Variants in CSMD3 observed in about 807,000 individuals in gnomAD.
CSMD3 encodes CUB and Sushi multiple domains 3, also known as CUB and sushi domain-containing protein 3.
CSMD3 carries 177 observed loss-of-function variants against 435.2 expected under a neutral mutation model. That is an observed-to-expected ratio of 0.41 (90% confidence interval 0.36 to 0.46). The LOEUF (loss-of-function observed/expected upper bound fraction) is 0.46. Among genes scored for constraint, CSMD3 ranks in the 20% least tolerant of loss-of-function variants. CSMD3 has a pLI of 0.34. For missense variants in CSMD3, 4,265 were observed against 4,504.6 expected, an observed-to-expected ratio of 0.95 and a Z score of 1.52; for synonymous variants, 1,656 against 1,520.5, an observed-to-expected ratio of 1.09 and a Z score of -2.07.
rs1025063330 is a variant in CSMD3, at chr8:112,772,993, C to T, written c.1972+27169G>A. Among the ~76,000 whole-genome samples the T allele has an allele frequency of 1.7e-4, 26 of 151,876 alleles. 1 individual carries two copies. Among genetic ancestry groups the T allele is most frequent in the Admixed American group, 1.1e-3 (17 of 15,220 alleles). ...ATAAATACTAAGGGAACTCAGAGGCCGGTCCCAGCACAGGTCCTCCACATG... is the reference window on the plus strand; with the variant it reads ...ATAAATACTAAGGGAACTCAGAGGCTGGTCCCAGCACAGGTCCTCCACATG... On this transcript the variant is annotated intron_variant, in intron 13 of 70. Coordinates refer to ENST00000297405, the MANE Select transcript of CSMD3 (RefSeq NM_198123.2).
chr8:112,445,629 C>T (rs950953228), intron 32 of CSMD3, among the ~76,000 whole-genome samples: 1 of 152,148 alleles, frequency 6.6e-6, no homozygotes, highest in Non-Finnish European at 1.5e-5. Flanking sequence ...ACCTAATCAC[C>T]TCCCACCAGG....
intron 11 of CSMD3, among the ~76,000 whole-genome samples, chr8:112,844,773 T>A (rs2132547198): frequency 6.6e-6 from 1 of 152,106 alleles, no homozygotes; most frequent in Non-Finnish European, 1.5e-5. Context: ...TAATCATAAT[T>A]GAAAAGCCTG....
chr8:113,410,421 C>A (rs1030647637), intron 1 of CSMD3, among the ~76,000 whole-genome samples: 1 of 152,046 alleles, frequency 6.6e-6, no homozygotes, highest in Admixed American at 6.6e-5. Context: ...TTTTCTAAGT[C>A]CTATTTTTCC....
chr8:112,373,151 A>T (rs1828601724), intron 38 of CSMD3, among the ~76,000 whole-genome samples: 1 of 151,512 alleles, frequency 6.6e-6, no homozygotes, highest in Admixed American at 6.6e-5. Flanking sequence ...TATTTAAAAT[A>T]CTCCTTTAGG....
intron 3 of CSMD3, among the ~76,000 whole-genome samples, chr8:113,238,300 G>A (rs2093173075): frequency 6.6e-6 from 1 of 152,164 alleles, no homozygotes; most frequent in South Asian, 2.1e-4. Flanking sequence ...GAAAGGTGCA[G>A]TGGGGCCAGC....
At chr8:112,376,451 C>T (rs180985816) in intron 38 of CSMD3, among the ~76,000 whole-genome samples, 1 of 152,178 alleles carries the variant, frequency 6.6e-6, no homozygotes. Context: ...AGAACCAAAA[C>T]AAGTAAAAAA....
rs117433943 is a variant in CSMD3, at chr8:113,149,929, G to A, written c.709+23793C>T. On this transcript the variant is annotated intron_variant, in intron 4 of 70. Coordinates refer to ENST00000297405, the MANE Select transcript of CSMD3 (RefSeq NM_198123.2). ...AACACTGCTACTTTCCTAACAAATA[G>A]GTCAATCTGCATTAAATACTCTGAA... is the stretch of plus-strand genomic sequence containing the variant. Among the ~76,000 whole-genome samples the A allele has an allele frequency of 2.6e-5, 4 of 151,592 alleles. No individual in the cohort carries two copies. The East Asian group carries it at 7.8e-4, about 30-fold the overall frequency.
intron 42 of CSMD3, among the ~76,000 whole-genome samples, chr8:112,339,764 A>T (rs1824924079): frequency 6.6e-6 from 1 of 152,180 alleles, no homozygotes; most frequent in Non-Finnish European, 1.5e-5. Context: ...CCACAAAATC[A>T]ATCCAAAAAT....
At chr8:112,861,851 C>A (rs777110592) in intron 10 of CSMD3, among the ~76,000 whole-genome samples, 8 of 151,870 alleles carry the variant, frequency 5.3e-5, no homozygotes, top group Non-Finnish European at 8.8e-5. Context: ...CTTCGTAATT[C>A]TCTGGCATCC....
intron 47 of CSMD3, among the ~76,000 whole-genome samples, chr8:112,317,254 T>A (rs866986440): frequency 3.9e-5 from 6 of 152,016 alleles, no homozygotes; most frequent in African/African-American, 7.2e-5. Context: ...ACATTGAAAG[T>A]CTGAGAGACA....
intron 10 of CSMD3, among the ~76,000 whole-genome samples, chr8:112,896,724 T>C (rs773009198): frequency 1.3e-4 from 19 of 151,514 alleles, no homozygotes; most frequent in Non-Finnish European, 2.4e-4. Flanking sequence ...TTATATTTAT[T>C]CCATTACACT....
chr8:112,472,530 T>C, intron 32 of CSMD3, 61 bp downstream of exon 32: 2 of 881,994 alleles, frequency 2.3e-6, no homozygotes, highest in Non-Finnish European at 3.9e-6. Context: ...TTGAATAGCA[T>C]GTAGTGAAAA....
chr8:112,279,024 A>G (rs1252798257), intron 59 of CSMD3, among the ~76,000 whole-genome samples: 3 of 135,312 alleles, frequency 2.2e-5, no homozygotes, highest in African/African-American at 3.8e-5. Context: ...AACAACAACA[A>G]CAACAACAAC....
intron 12 of CSMD3, among the ~76,000 whole-genome samples, chr8:112,815,705 A>G (rs1428216196): frequency 1.3e-5 from 2 of 152,200 alleles, no homozygotes; most frequent in Non-Finnish European, 2.9e-5. Flanking sequence ...ACAAATACAT[A>G]TATAAAACAA....
intron 13 of CSMD3, among the ~76,000 whole-genome samples, chr8:112,735,290 A>C (rs915723739): frequency 1.3e-5 from 2 of 152,048 alleles, no homozygotes; most frequent in African/African-American, 4.8e-5. Flanking sequence ...AGTAGAGCAC[A>C]ATGTGAGCAG....
chr8:113,154,431 G>A (rs2091893390), intron 4 of CSMD3, among the ~76,000 whole-genome samples: 1 of 151,902 alleles, frequency 6.6e-6, no homozygotes, highest in Non-Finnish European at 1.5e-5. Context: ...TAAAATGTGT[G>A]ACCTTTGAAA....
At chr8:112,934,070 A>G (rs2083202751) in intron 9 of CSMD3, among the ~76,000 whole-genome samples, 1 of 152,110 alleles carries the variant, frequency 6.6e-6, no homozygotes, top group African/African-American at 2.4e-5. Context: ...GTGGGTACAC[A>G]GTGGGTATTG....
chr8:112,884,649 T>G (rs1254169188), intron 10 of CSMD3, among the ~76,000 whole-genome samples: 2 of 151,386 alleles, frequency 1.3e-5, no homozygotes, highest in Non-Finnish European at 3.0e-5. Flanking sequence ...CCTTTCCCAT[T>G]AAGAGCCACT....
chr8:113,272,448 A>C (rs1361836020), intron 3 of CSMD3, among the ~76,000 whole-genome samples: 1 of 152,132 alleles, frequency 6.6e-6, no homozygotes, highest in Non-Finnish European at 1.5e-5. Context: ...ATGAGATTTA[A>C]TGGTTTTATC....
Sources: allele counts gnomAD v4.1 joint callset (sites outside exome capture counted in the v4.1 genomes callset), GRCh38; gene constraint gnomAD v4.1.1; transcripts MANE v1.5; gene names NCBI Gene and HGNC (gene_info 2026-07-23, HGNC 2026-07-21).